The following MAP7 variants were observed in gnomAD, a reference collection of about 807,000 sequenced individuals.
MAP7 encodes the protein microtubule associated protein 7.
MAP7 carries 52 observed loss-of-function variants against 94.8 expected under a neutral mutation model. That is an observed-to-expected ratio of 0.55 (90% CI 0.44 to 0.69). The LOEUF (loss-of-function observed/expected upper bound fraction) is 0.69, where lower values mean the gene tolerates loss of function less well. Ranked by LOEUF, MAP7 falls within the 30% of genes least tolerant of loss-of-function variation. The probability of loss-of-function intolerance (pLI) is 0.00; values close to 1 mark genes in which losing one functional copy is unlikely to be tolerated. For missense variants in MAP7, 940 were observed against 964.6 expected (o/e 0.97, Z 0.34); for synonymous variants, 350 against 357.0 (o/e 0.98, Z 0.22).
At chr6:136,411,451 G>A (rs1787421968) in intron 3 of MAP7, among the ~76,000 whole-genome samples, 169 bp downstream of exon 3, 1 of 152,142 alleles carries the variant, frequency 6.6e-6, no homozygotes, top group Non-Finnish European at 1.5e-5. Context: ...TTAATCCTGA[G>A]GCTAGAGTTT....
intron 1 of MAP7, among the ~76,000 whole-genome samples, chr6:136,437,977 A>G (rs1394804276): frequency 6.6e-6 from 1 of 152,194 alleles, no homozygotes; most frequent in East Asian, 1.9e-4. Context: ...CCAAATACTC[A>G]TTCAACTTTG....
intron 1 of MAP7, among the ~76,000 whole-genome samples, chr6:136,428,573 T>C (rs923235794): frequency 2.0e-5 from 3 of 152,076 alleles, no homozygotes; most frequent in Non-Finnish European, 4.4e-5. Context: ...CAACATTTTC[T>C]GAAATAAAAA....
intron 1 of MAP7, among the ~76,000 whole-genome samples, chr6:136,471,656 C>T (rs1284803448): frequency 6.6e-6 from 1 of 152,132 alleles, no homozygotes; most frequent in Non-Finnish European, 1.5e-5. Flanking sequence ...CAGTTACAAA[C>T]GTACCCCGCA....
intron 1 of MAP7, among the ~76,000 whole-genome samples, chr6:136,535,560 G>T (rs1053900796): frequency 6.6e-6 from 1 of 152,142 alleles, no homozygotes; most frequent in Admixed American, 6.5e-5. Context: ...TTATATAATT[G>T]TGGTGGGTAA....
At chr6:136,495,461 C>T (rs1376445390) in intron 1 of MAP7, among the ~76,000 whole-genome samples, 2 of 151,538 alleles carry the variant, frequency 1.3e-5, no homozygotes, top group African/African-American at 4.9e-5. Context: ...AATACACACA[C>T]ACACACACAC....
chr6:136,411,430 AAAG>A lies in MAP7; in HGVS notation c.244+187_244+189del, dbSNP rs533607059. Among the ~76,000 whole-genome samples the A allele has an allele frequency of 2.8e-3, 421 of 152,364 alleles. 1 individual carries two copies. The highest frequency in any genetic ancestry group is 9.3e-3 in the African/African-American group (388 of 41,580). ...TGCCACATTAAACTGTGACTGCAAA[AAAG>A]GATGACCTTAATCCTGAGGCTAGAG... is the stretch of plus-strand genomic sequence containing the variant. On this transcript the variant is annotated intron_variant, in intron 3 of 17. Transcript: ENST00000354570.
chr6:136,358,174 T>C (rs1791530446), intron 15 of MAP7, among the ~76,000 whole-genome samples: 1 of 152,244 alleles, frequency 6.6e-6, no homozygotes, highest in Non-Finnish European at 1.5e-5. Context: ...TCACCTTCCC[T>C]CTTGCCTTTG....
chr6:136,381,913 CACACACAG>C (rs940762440), intron 6 of MAP7, among the ~76,000 whole-genome samples: 5 of 146,036 alleles, frequency 3.4e-5, no homozygotes, highest in African/African-American at 1.3e-4. Flanking sequence ...CACACACACA[CACACACAG>C]AGAGAGAGAG....
At chr6:136,517,216 A>T (rs1292568874) in intron 1 of MAP7, among the ~76,000 whole-genome samples, 1 of 152,256 alleles carries the variant, frequency 6.6e-6, no homozygotes, top group Non-Finnish European at 1.5e-5. Flanking sequence ...AGGACTTCTG[A>T]TTCACATGAA....
chr6:136,456,641 C>T (rs569206114), intron 1 of MAP7, among the ~76,000 whole-genome samples: 31 of 149,242 alleles, frequency 2.1e-4, no homozygotes, highest in South Asian at 1.7e-3. Context: ...TATAGCATTT[C>T]GGCCTGGGCA....
intron 1 of MAP7, among the ~76,000 whole-genome samples, chr6:136,511,772 T>A (rs1178293862): frequency 6.6e-6 from 1 of 152,240 alleles, no homozygotes; most frequent in African/African-American, 2.4e-5. Context: ...TGGCTTACAC[T>A]TAATATGGTC....
chr6:136,459,638 A>T (rs1016297136), intron 1 of MAP7, among the ~76,000 whole-genome samples: 30 of 152,300 alleles, frequency 2.0e-4, no homozygotes, highest in African/African-American at 7.0e-4. Flanking sequence ...TATGTGAAAT[A>T]AGCCAATCAC....
chr6:136,457,152 G>A (rs527576471), intron 1 of MAP7, among the ~76,000 whole-genome samples: 1 of 150,782 alleles, frequency 6.6e-6, no homozygotes, highest in South Asian at 2.1e-4. Context: ...ACCATAAAAG[G>A]CTACTATGAA....
intron 6 of MAP7, among the ~76,000 whole-genome samples, chr6:136,381,153 A>T (rs1777618987): frequency 6.6e-6 from 1 of 152,172 alleles, no homozygotes; most frequent in African/African-American, 2.4e-5. Context: ...GAACTAATGG[A>T]ATTACTTAAA....
intron 1 of MAP7, among the ~76,000 whole-genome samples, chr6:136,533,620 G>A (rs1828651456): frequency 6.6e-6 from 1 of 152,188 alleles, no homozygotes; most frequent in Admixed American, 6.5e-5. Flanking sequence ...TTAGAGTTCT[G>A]CAGACTGTAC....
rs775872490 is a variant in MAP7, at chr6:136,360,019, TCTC to T, written c.1813_1815del (p.Glu605del). Reference sequence around the variant, plus strand: ...TCTGTTCTCCTGGTTCTTTTCATAATCTCCTCAAGTCGCTATAGGAAAGGAAGA... The same window carrying T: ...TCTGTTCTCCTGGTTCTTTTCATAATCTCAAGTCGCTATAGGAAAGGAAGA... On this transcript the variant is annotated inframe_deletion, in exon 14 of 18. Coordinates refer to ENST00000354570, the MANE Select transcript of MAP7 (RefSeq NM_003980.6). 26 of 1,612,532 alleles carry T rather than the reference TCTC, an allele frequency of 1.6e-5. No individual in the cohort carries two copies. The highest frequency in any genetic ancestry group is 2.2e-5 in the East Asian group (1 of 44,844).
At chr6:136,435,907 G>C (rs917012327) in intron 1 of MAP7, among the ~76,000 whole-genome samples, 1 of 152,068 alleles carries the variant, frequency 6.6e-6, no homozygotes, top group Non-Finnish European at 1.5e-5. Flanking sequence ...TTTTTCATAG[G>C]GATTTTATAA....
intron 1 of MAP7, among the ~76,000 whole-genome samples, chr6:136,435,922 A>G (rs375247137): frequency 6.6e-6 from 1 of 152,226 alleles, no homozygotes; most frequent in South Asian, 2.1e-4. Flanking sequence ...TTATAATAAC[A>G]TTACTATCTA....
At chr6:136,389,296 G>T in intron 4 of MAP7, 58 bp downstream of exon 4, 1 of 1,497,670 alleles carries the variant, frequency 6.7e-7, no homozygotes. Context: ...TTCACAGAAA[G>T]TTTGCTGCAT....
Sources: allele counts gnomAD v4.1 joint callset (sites outside exome capture counted in the v4.1 genomes callset), GRCh38; gene constraint gnomAD v4.1.1; transcripts MANE v1.5; gene names NCBI Gene and HGNC (gene_info 2026-07-23, HGNC 2026-07-21).